Variants in CDIN1 observed in about 807,000 individuals in gnomAD.
CDIN1 encodes the protein CDAN1 interacting nuclease 1.
CDIN1 carries 33 observed loss-of-function variants against 45.3 expected under a neutral mutation model. The observed-to-expected ratio is 0.73, with a 90% confidence interval of 0.55 to 0.97. CDIN1 has a LOEUF of 0.97. Ranked by LOEUF, CDIN1 falls within the 50% of genes least tolerant of loss-of-function variation. The probability of loss-of-function intolerance (pLI) is 0.00; values close to 1 mark genes in which losing one functional copy is unlikely to be tolerated. For missense variants in CDIN1, 303 were observed against 339.4 expected, an observed-to-expected ratio of 0.89 and a Z score of 0.84; for synonymous variants, 118 against 124.4, an observed-to-expected ratio of 0.95 and a Z score of 0.34.
intron 1 of CDIN1, chr15:36,618,508 A>G: frequency 5.7e-6 from 7 of 1,228,286 alleles, no homozygotes; most frequent in Non-Finnish European, 7.2e-6. Flanking sequence ...TCCAACACCA[A>G]AGTTTGACTT....
chr15:36,636,516 T>G (rs1474034669), intron 1 of CDIN1, among the ~76,000 whole-genome samples: 1 of 152,032 alleles, frequency 6.6e-6, no homozygotes, highest in East Asian at 1.9e-4. Flanking sequence ...GGTGCCACTG[T>G]GCTCCAGCCT....
intron 10 of CDIN1, among the ~76,000 whole-genome samples, chr15:36,759,894 G>T (rs1330679996): frequency 6.6e-6 from 1 of 152,094 alleles, no homozygotes; most frequent in African/African-American, 2.4e-5. Flanking sequence ...CTAGGGGAAT[G>T]GTGCTGAACC....
chr15:36,667,712 T>TA (rs1321896230), intron 5 of CDIN1, among the ~76,000 whole-genome samples: 1 of 152,194 alleles, frequency 6.6e-6, no homozygotes, highest in Non-Finnish European at 1.5e-5. Flanking sequence ...AATGAGATGA[T>TA]ACGAAGTTTT....
At chr15:36,608,976 T>TATATATAGATAGATAG in intron 1 of CDIN1, among the ~76,000 whole-genome samples, 1 of 149,440 alleles carries the variant, frequency 6.7e-6, no homozygotes, top group African/African-American at 2.5e-5. Context: ...TATGTGTGTA[T>TATATATAGATAGATAG]ATAGATAGAT....
At chr15:36,640,391 G>T (rs776640378) in intron 1 of CDIN1, among the ~76,000 whole-genome samples, 5 of 152,162 alleles carry the variant, frequency 3.3e-5, no homozygotes, top group Non-Finnish European at 5.9e-5. Flanking sequence ...CCTAGCAATT[G>T]TGAGATGTCC....
intron 10 of CDIN1, among the ~76,000 whole-genome samples, chr15:36,807,712 A>G (rs965062655): frequency 1.1e-4 from 16 of 152,174 alleles, no homozygotes; most frequent in Non-Finnish European, 8.8e-5. Context: ...GTAAGCACCA[A>G]TGACCAAACT....
intron 1 of CDIN1, among the ~76,000 whole-genome samples, chr15:36,625,036 G>C (rs2039356940): frequency 6.6e-6 from 1 of 152,166 alleles, no homozygotes; most frequent in African/African-American, 2.4e-5. Flanking sequence ...CCAGCACTTT[G>C]GGAGGCTGAG....
chr15:36,715,273 C>T (rs1337049260), intron 10 of CDIN1, among the ~76,000 whole-genome samples: 3 of 152,110 alleles, frequency 2.0e-5, no homozygotes, highest in African/African-American at 7.2e-5. Flanking sequence ...CCTTCTGCCA[C>T]AGAATTGATT....
intron 8 of CDIN1, among the ~76,000 whole-genome samples, chr15:36,698,605 A>G (rs1266425379): frequency 6.6e-6 from 1 of 152,200 alleles, no homozygotes; most frequent in Non-Finnish European, 1.5e-5. Flanking sequence ...TATGTTTTGG[A>G]ACCAGGTAGT....
intron 10 of CDIN1, among the ~76,000 whole-genome samples, chr15:36,726,571 T>C (rs1379155850): frequency 6.6e-6 from 1 of 152,222 alleles, no homozygotes; most frequent in Non-Finnish European, 1.5e-5. Context: ...TTTATCTACA[T>C]AGGAATAGTT....
At chr15:36,613,713 A>T in intron 1 of CDIN1, 1 of 1,541,136 alleles carries the variant, frequency 6.5e-7, no homozygotes, top group Non-Finnish European at 8.9e-7. Flanking sequence ...GAAGAAGCGG[A>T]AAAAGCTGCT....
chr15:36,749,840 G>A (rs1204404426), intron 10 of CDIN1, among the ~76,000 whole-genome samples: 3 of 152,194 alleles, frequency 2.0e-5, no homozygotes, highest in African/African-American at 7.2e-5. Flanking sequence ...GGTTCTGAAG[G>A]AGCAGCAAGT....
chr15:36,645,494 TTGTGTGTGTGTG>T (rs57349735), intron 3 of CDIN1, among the ~76,000 whole-genome samples: 15 of 143,472 alleles, frequency 1.0e-4, no homozygotes, highest in East Asian at 4.1e-4. Flanking sequence ...CTGTCTTGAC[TTGTGTGTGTGTG>T]TGTGTGTGTG....
chr15:36,792,958 T>C (rs1344006763), intron 10 of CDIN1, among the ~76,000 whole-genome samples: 3 of 152,148 alleles, frequency 2.0e-5, no homozygotes, highest in Non-Finnish European at 4.4e-5. Context: ...TCTCCTGAAC[T>C]TTCCTGCACC....
At chr15:36,800,909 G>GTATGTATATATATATATATATA (rs1555410946) in intron 10 of CDIN1, among the ~76,000 whole-genome samples, 1 of 22,372 alleles carries the variant, frequency 4.5e-5, no homozygotes, top group Admixed American at 9.5e-4. Flanking sequence ...GTGTGTGTGT[G>GTATGTATATATATATATATATA]TATATATATA....
At chr15:36,731,448 C>T (rs1389373145) in intron 10 of CDIN1, among the ~76,000 whole-genome samples, 2 of 152,096 alleles carry the variant, frequency 1.3e-5, no homozygotes, top group African/African-American at 2.4e-5. Flanking sequence ...TCAAAAACTG[C>T]ATCACCGATC....
At chr15:36,805,357 A>G (rs1275451979) in intron 10 of CDIN1, among the ~76,000 whole-genome samples, 6 of 152,116 alleles carry the variant, frequency 3.9e-5, no homozygotes, top group Non-Finnish European at 8.8e-5. Flanking sequence ...TAGCAGACCA[A>G]CCTCTGCTGT....
intron 10 of CDIN1, among the ~76,000 whole-genome samples, chr15:36,746,752 CTTT>C (rs760613983): frequency 4.0e-5 from 3 of 74,346 alleles, no homozygotes; most frequent in African/African-American, 1.8e-4. Flanking sequence ...GGAAACGTGT[CTTT>C]TTTTTTTTTT....
intron 5 of CDIN1, among the ~76,000 whole-genome samples, chr15:36,673,747 G>A (rs1421177950): frequency 6.6e-6 from 1 of 151,926 alleles, no homozygotes; most frequent in Non-Finnish European, 1.5e-5. Context: ...TGGCAGGGTG[G>A]GTGATTATGA....
Sources: gnomAD v4.1 joint callset for allele counts (sites outside exome capture counted in the v4.1 genomes callset) on GRCh38, gnomAD v4.1.1 for gene constraint, MANE v1.5 for transcripts, NCBI Gene and HGNC (gene_info 2026-07-23, HGNC 2026-07-21) for gene names.